The following FBLN7 variants were observed in gnomAD, a reference collection of about 807,000 sequenced individuals.
FBLN7 encodes fibulin 7, also known as fibulin-7.
A neutral mutation model predicts 44.0 loss-of-function variants in FBLN7; 31 were observed. The observed-to-expected ratio is 0.70, with a 90% CI of 0.53 to 0.95. The LOEUF (loss-of-function observed/expected upper bound fraction) is 0.95. FBLN7 is among the 40% of genes least tolerant of loss of function. FBLN7 has a pLI of 0.00. For missense variants in FBLN7, 573 were observed against 618.5 expected, an observed-to-expected ratio of 0.93 and a Z score of 0.78; for synonymous variants, 262 against 253.4, an observed-to-expected ratio of 1.03 and a Z score of -0.32.
chr2:112,145,778 A>T (rs533223933), intron 1 of FBLN7, among the ~76,000 whole-genome samples: 2 of 152,260 alleles, frequency 1.3e-5, no homozygotes, highest in African/African-American at 4.8e-5. Flanking sequence ...TTCCAATACC[A>T]TTTGTTGTTG....
rs1682715819 is a variant in FBLN7 at position 112,175,855 on chromosome 2, G to C, written c.532+16G>C. The C allele has an allele frequency of 6.2e-7, 1 of 1,612,588 alleles. No homozygotes were observed. Among genetic ancestry groups the C allele is most frequent in the African/African-American group, 1.3e-5 (1 of 74,872 alleles). ...GCCCAGACTGGTATGTAGCCACCAT[G>C]GGGTTAGGTGAGGACATCCTGCTGT... On this transcript the variant is annotated intron_variant, in intron 4 of 7. Coordinates refer to ENST00000331203, the MANE Select transcript of FBLN7 (RefSeq NM_153214.3).
the FBLN7 span, among the ~76,000 whole-genome samples, chr2:112,204,598 A>G: frequency 6.6e-6 from 1 of 152,184 alleles, no homozygotes; most frequent in Non-Finnish European, 1.5e-5. Context: ...CAATAAGAGT[A>G]ACAGGTCACT....
the FBLN7 span, among the ~76,000 whole-genome samples, chr2:112,225,636 G>A: frequency 6.6e-6 from 1 of 152,204 alleles, no homozygotes; most frequent in African/African-American, 2.4e-5. Context: ...GGCCAACATG[G>A]TGAAACTTAG....
At chr2:112,162,899 G>T (rs149341668) in intron 2 of FBLN7, among the ~76,000 whole-genome samples, 1 of 151,968 alleles carries the variant, frequency 6.6e-6, no homozygotes, top group Non-Finnish European at 1.5e-5. Context: ...ACTCTTTAAC[G>T]CAATAAAGTA....
At chr2:112,167,395 C>T (rs1365177475) in intron 3 of FBLN7, among the ~76,000 whole-genome samples, 1 of 152,180 alleles carries the variant, frequency 6.6e-6, no homozygotes, top group Non-Finnish European at 1.5e-5. Flanking sequence ...CCTAGTGGCT[C>T]GCCAAGAATG....
chr2:112,160,184 G>A (rs1420581828), intron 2 of FBLN7, among the ~76,000 whole-genome samples: 2 of 152,078 alleles, frequency 1.3e-5, no homozygotes, highest in Non-Finnish European at 2.9e-5. Flanking sequence ...TAGAGACGGG[G>A]TTTCACCTTG....
intron 2 of FBLN7, among the ~76,000 whole-genome samples, chr2:112,160,746 GCGCACGCACACA>G (rs1388554050): frequency 3.0e-4 from 26 of 86,256 alleles, no homozygotes; most frequent in Admixed American, 5.3e-4. Flanking sequence ...ACGCACACAC[GCGCACGCACACA>G]CGCACGCACA....
intron 5 of FBLN7, 86 bp downstream of exon 5, chr2:112,181,962 C>T (rs1258890939): frequency 1.4e-6 from 2 of 1,446,398 alleles, no homozygotes; most frequent in Middle Eastern, 1.8e-4. Flanking sequence ...GCCCTCCTGC[C>T]GGCACGGGTG....
At chr2:112,183,829 G>A (rs1683118517) in intron 6 of FBLN7, among the ~76,000 whole-genome samples, 2 of 152,052 alleles carry the variant, frequency 1.3e-5, no homozygotes, top group African/African-American at 4.8e-5. Context: ...GGGATGGGAG[G>A]CACCTAAGAG....
At chr2:112,160,781 C>T (rs1346356878) in intron 2 of FBLN7, among the ~76,000 whole-genome samples, 2 of 145,204 alleles carry the variant, frequency 1.4e-5, no homozygotes, top group African/African-American at 5.2e-5. Flanking sequence ...CAGACGCACA[C>T]GCACGCACAC....
In FBLN7 at chr2:112,187,608, C is replaced by T. The variant is rs1683336749; in HGVS notation, c.*102C>T. The T allele has an allele frequency of 2.7e-6, 4 of 1,508,300 alleles. No individual in the cohort carries two copies. Among genetic ancestry groups the T allele is most frequent in the Non-Finnish European group, 3.6e-6 (4 of 1,114,026 alleles). The allele number at this position is 1,508,300 out of a possible 1,614,324, so 93.4% of individuals were successfully genotyped here. ...GCGTGGAGCCTCCCGCCTGTTCCCG[C>T]CCTCTCACCAGTGCACCCAGGCTTC... On this transcript the variant is annotated 3_prime_UTR_variant, in exon 8 of 8. Transcript: ENST00000331203. The surrounding 1 kb of genome is among the most constrained non-coding windows in gnomAD (Gnocchi z 5.1).
rs1406844002 is a variant in FBLN7, at chr2:112,155,699, G to A, written c.76-3977G>A. 3.9e-5 allele frequency among the ~76,000 whole-genome samples: 6 copies of A among 152,224 alleles called. 1 individual carries two copies. Among genetic ancestry groups the A allele is most frequent in the South Asian group, 4.1e-4 (2 of 4,834 alleles). On this transcript the variant is annotated intron_variant, in intron 1 of 7. Transcript: ENST00000331203. Reference sequence around the variant, plus strand: ...CATCTCACCCTCAATGAGCACCGGGGAGAAAGCAGCTGGCGCCTGTTGCCC... The same window carrying A: ...CATCTCACCCTCAATGAGCACCGGGAAGAAAGCAGCTGGCGCCTGTTGCCC...
the FBLN7 span, among the ~76,000 whole-genome samples, chr2:112,219,286 G>A: frequency 2.4e-4 from 37 of 152,260 alleles, no homozygotes; most frequent in East Asian, 3.9e-4. Flanking sequence ...AAACCCTCAC[G>A]TCTATGGTAA....
At chr2:112,217,495 T>G in the FBLN7 span, among the ~76,000 whole-genome samples, 2 of 152,252 alleles carry the variant, frequency 1.3e-5, no homozygotes, top group African/African-American at 4.8e-5. Flanking sequence ...TAAAATCCAT[T>G]GGTCTTTGTA....
chr2:112,140,568 G>A (rs780053377), intron 1 of FBLN7, among the ~76,000 whole-genome samples: 3 of 152,208 alleles, frequency 2.0e-5, no homozygotes, highest in Non-Finnish European at 4.4e-5. Context: ...TCGGTCCATT[G>A]TGGGCGAGGA....
At chr2:112,232,046 G>A in the FBLN7 span, 19 of 634,412 alleles carry the variant, frequency 3.0e-5, no homozygotes, top group Middle Eastern at 4.7e-4. Context: ...CTCTGTGGCC[G>A]GGCGAGGTGG....
chr2:112,150,748 A>T (rs1421569480), intron 1 of FBLN7, among the ~76,000 whole-genome samples: 1 of 152,150 alleles, frequency 6.6e-6, no homozygotes. Context: ...TTCCCATCTC[A>T]TGGGGTCATA....
intron 6 of FBLN7, among the ~76,000 whole-genome samples, chr2:112,184,574 C>T (rs1386649778): frequency 6.6e-6 from 1 of 151,800 alleles, no homozygotes; most frequent in Non-Finnish European, 1.5e-5. Flanking sequence ...GGTGTCTGCA[C>T]TCGCATGGGG....
At chr2:112,176,064 G>T (rs762516722) in intron 4 of FBLN7, 11 of 391,636 alleles carry the variant, frequency 2.8e-5, no homozygotes, top group Admixed American at 1.3e-4. Context: ...TCTTATAGTA[G>T]AAAACACAAG....
Sources: gnomAD v4.1 joint callset for allele counts (sites outside exome capture counted in the v4.1 genomes callset) on GRCh38, gnomAD v4.1.1 for gene constraint, Gnocchi (gnomAD v3.1) non-coding constraint, MANE v1.5 for transcripts, NCBI Gene and HGNC (gene_info 2026-07-23, HGNC 2026-07-21) for gene names.